The following PRKN variants were observed in gnomAD, a reference collection of about 807,000 sequenced individuals.
PRKN encodes parkin RBR E3 ubiquitin protein ligase.
Under a neutral mutation model 59.5 loss-of-function variants are expected in PRKN, and 56 were observed. The ratio of observed to expected loss-of-function variants is 0.94; its 90% confidence interval spans 0.76 to 1.18. The LOEUF (loss-of-function observed/expected upper bound fraction) is 1.18. Among genes scored for constraint, PRKN ranks in the 50% most tolerant of loss-of-function variants. The probability of loss-of-function intolerance (pLI) is 0.00; values close to 1 mark genes in which losing one functional copy is unlikely to be tolerated. For synonymous variants in PRKN, 250 were observed against 222.1 expected (o/e 1.13, Z -1.12); for missense variants, 657 against 596.4 (o/e 1.10, Z -1.06).
chr6:162,597,469 T>G (rs915388946), intron 1 of PRKN, among the ~76,000 whole-genome samples: 1 of 152,234 alleles, frequency 6.6e-6, no homozygotes, highest in Admixed American at 6.6e-5. Context: ...ATTATGCACA[T>G]AAAGAATAGT....
intron 9 of PRKN, among the ~76,000 whole-genome samples, chr6:161,537,879 A>G (rs946571365): frequency 2.0e-5 from 3 of 152,204 alleles, no homozygotes; most frequent in African/African-American, 7.2e-5. Context: ...AAGAGTGAAC[A>G]CAGACTTCCT....
chr6:161,999,921 GAAATACTA>G (rs1258519123), intron 5 of PRKN, among the ~76,000 whole-genome samples: 1 of 152,046 alleles, frequency 6.6e-6, no homozygotes, highest in Non-Finnish European at 1.5e-5. Context: ...ATATTTCAAA[GAAATACTA>G]ATAGTAACAA....
intron 6 of PRKN, among the ~76,000 whole-genome samples, chr6:161,887,044 C>T (rs1028231099): frequency 6.6e-6 from 1 of 152,144 alleles, no homozygotes; most frequent in Admixed American, 6.5e-5. Flanking sequence ...GTTTGACACA[C>T]GTGTCAGCTG....
At position 162,111,207 on chromosome 6, in the gene PRKN, T is replaced by C. The variant is rs138691565; in HGVS notation, c.535-57033A>G. On this transcript the variant is annotated intron_variant, in intron 4 of 11. Coordinates refer to ENST00000366898, the MANE Select transcript of PRKN (RefSeq NM_004562.3). ...CTGGCTGGACACAGTAGATCACGCC[T>C]TTAATCCCAGCACTTTGGGAGGCCA... Among the ~76,000 whole-genome samples, 58 of 152,242 alleles carry C rather than the reference T, an allele frequency of 3.8e-4. 1 individual carries two copies. The East Asian group carries it at 8.7e-3, about 23-fold the overall frequency.
chr6:161,899,411 GAA>G (rs1777796894), intron 6 of PRKN, among the ~76,000 whole-genome samples: 1 of 152,100 alleles, frequency 6.6e-6, no homozygotes, highest in Non-Finnish European at 1.5e-5. Context: ...GAAGTCTTGG[GAA>G]AAACCAAAAA....
At chr6:162,717,565 C>CA (rs34053908) in intron 1 of PRKN, among the ~76,000 whole-genome samples, 42,438 of 117,508 alleles carry the variant, frequency 0.36, 7,359 homozygotes, top group Non-Finnish European at 0.41. Context: ...GATCTTGTCT[C>CA]AAAAAAAAAA....
chr6:162,126,299 C>T (rs1383450025), intron 4 of PRKN, among the ~76,000 whole-genome samples: 1 of 152,100 alleles, frequency 6.6e-6, no homozygotes, highest in Admixed American at 6.6e-5. Flanking sequence ...CCAGTGGTAC[C>T]TGGTCATTTC....
intron 7 of PRKN, among the ~76,000 whole-genome samples, chr6:161,764,159 T>A (rs566890744): frequency 6.6e-6 from 1 of 152,324 alleles, no homozygotes; most frequent in South Asian, 2.1e-4. Flanking sequence ...CTCAAGTTGT[T>A]CCTTTCTTCC....
intron 6 of PRKN, among the ~76,000 whole-genome samples, chr6:161,941,391 T>C (rs1292985355): frequency 2.0e-5 from 3 of 152,284 alleles, no homozygotes; most frequent in East Asian, 3.9e-4. Context: ...GCTGAGGCAG[T>C]TGGAGGAGAT....
chr6:162,043,025 G>A (rs1784123225), intron 5 of PRKN, among the ~76,000 whole-genome samples: 2 of 152,188 alleles, frequency 1.3e-5, no homozygotes, highest in African/African-American at 2.4e-5. Flanking sequence ...GACTGGGGAG[G>A]CCTCATAATC....
intron 9 of PRKN, among the ~76,000 whole-genome samples, chr6:161,535,956 G>T (rs1032759645): frequency 0.014 from 228 of 15,746 alleles, 2 homozygotes; most frequent in African/African-American, 0.07. Context: ...GGAACAAAAA[G>T]ATTTTTTTTT....
At chr6:162,141,342 T>G (rs1781772477) in intron 4 of PRKN, among the ~76,000 whole-genome samples, 1 of 152,120 alleles carries the variant, frequency 6.6e-6, no homozygotes, top group Non-Finnish European at 1.5e-5. Flanking sequence ...AGTATATAAC[T>G]AAGCCTTCAA....
At chr6:162,470,421 C>T (rs956260844) in intron 1 of PRKN, among the ~76,000 whole-genome samples, 1 of 152,000 alleles carries the variant, frequency 6.6e-6, no homozygotes, top group Admixed American at 6.6e-5. Context: ...CTGGCCAACA[C>T]AGTGAAACCC....
At chr6:162,115,026 C>T (rs1189872398) in intron 4 of PRKN, among the ~76,000 whole-genome samples, 3 of 151,808 alleles carry the variant, frequency 2.0e-5, no homozygotes, top group Non-Finnish European at 4.4e-5. Context: ...AATCATGCTG[C>T]TATAAAGACA....
At chr6:162,073,484 G>A (rs965604148) in intron 4 of PRKN, among the ~76,000 whole-genome samples, 10 of 152,004 alleles carry the variant, frequency 6.6e-5, no homozygotes, top group Non-Finnish European at 1.2e-4. Flanking sequence ...ACAGGGTCTC[G>A]CTCTGTCACC....
chr6:162,521,311 A>G (rs1778071599), intron 1 of PRKN, among the ~76,000 whole-genome samples: 1 of 152,232 alleles, frequency 6.6e-6, no homozygotes, highest in African/African-American at 2.4e-5. Context: ...ATGAGAGGGC[A>G]GACTCTAGCT....
intron 4 of PRKN, among the ~76,000 whole-genome samples, chr6:162,087,302 T>C (rs922930661): frequency 1.3e-5 from 2 of 152,118 alleles, no homozygotes; most frequent in African/African-American, 2.4e-5. Flanking sequence ...AAGATATCAA[T>C]ATAAAGAGTA....
chr6:161,476,112 G>A (rs1379415729), intron 9 of PRKN, among the ~76,000 whole-genome samples: 4 of 151,748 alleles, frequency 2.6e-5, no homozygotes, highest in South Asian at 2.1e-4. Flanking sequence ...GTGTGGACCC[G>A]GGAGGCGGAG....
intron 1 of PRKN, among the ~76,000 whole-genome samples, chr6:162,606,487 C>T (rs549603668): frequency 6.6e-6 from 1 of 152,294 alleles, no homozygotes; most frequent in South Asian, 2.1e-4. Context: ...AAGTGTATTG[C>T]TTTCACACCA....
Sources: gnomAD v4.1 joint callset for allele counts (sites outside exome capture counted in the v4.1 genomes callset) on GRCh38, gnomAD v4.1.1 for gene constraint, MANE v1.5 for transcripts, NCBI Gene and HGNC (gene_info 2026-07-23, HGNC 2026-07-21) for gene names.